Variants in RALGPS1 observed in about 807,000 individuals in gnomAD.
RALGPS1 encodes ras-specific guanine nucleotide-releasing factor RalGPS1.
Under a neutral mutation model 78.8 loss-of-function variants are expected in RALGPS1, and 19 were observed. That is an observed-to-expected ratio of 0.24 (90% CI 0.17 to 0.35). RALGPS1 has a LOEUF of 0.35. Among genes scored for constraint, RALGPS1 ranks in the 10% least tolerant of loss-of-function variants. RALGPS1 has a pLI of 1.00. For missense variants in RALGPS1, 454 were observed against 688.3 expected (o/e 0.66, Z 3.81); for synonymous variants, 228 against 256.3 (o/e 0.89, Z 1.06).
intron 4 of RALGPS1, among the ~76,000 whole-genome samples, chr9:126,982,919 CTTCTTCTTCTTTTTTT>C (rs1268455314): frequency 1.1e-3 from 87 of 76,416 alleles, no homozygotes; most frequent in African/African-American, 3.2e-3. Flanking sequence ...TCTTCTTCTT[CTTCTTCTTCTTTTTTT>C]TTTTTTTTTT....
chr9:126,953,309 G>T (rs1343376531), intron 1 of RALGPS1, among the ~76,000 whole-genome samples: 1 of 152,068 alleles, frequency 6.6e-6, no homozygotes, highest in Non-Finnish European at 1.5e-5. Context: ...TTTTTCTCCT[G>T]CAGTGTTTTG....
At chr9:127,181,262 G>A (rs554090629) in intron 11 of RALGPS1, among the ~76,000 whole-genome samples, 1 of 152,258 alleles carries the variant, frequency 6.6e-6, no homozygotes, top group South Asian at 2.1e-4. Context: ...CGTAATACCA[G>A]TCATAGCAGC....
intron 14 of RALGPS1, among the ~76,000 whole-genome samples, chr9:127,201,100 C>T (rs954826243): frequency 1.3e-5 from 2 of 152,184 alleles, no homozygotes; most frequent in African/African-American, 4.8e-5. Context: ...AATTCCTTGT[C>T]CCAGGGAGAT....
intron 7 of RALGPS1, among the ~76,000 whole-genome samples, chr9:127,065,461 A>G (rs2049605276): frequency 6.6e-6 from 1 of 152,138 alleles, no homozygotes; most frequent in African/African-American, 2.4e-5. Flanking sequence ...CCAGGCTGGT[A>G]TCAAACTCCT....
chr9:126,924,853 T>C (rs1166133233), intron 1 of RALGPS1, among the ~76,000 whole-genome samples: 7 of 152,162 alleles, frequency 4.6e-5, no homozygotes, highest in Admixed American at 4.6e-4. Flanking sequence ...AGGCCGGGCG[T>C]GGTGGCTGAC....
At chr9:127,166,460 G>A (rs978259579) in intron 9 of RALGPS1, among the ~76,000 whole-genome samples, 8 of 152,154 alleles carry the variant, frequency 5.3e-5, no homozygotes, top group Middle Eastern at 3.2e-3. Flanking sequence ...CCACAATCAC[G>A]CGTCTAGTGA....
At position 127,175,677 on chromosome 9, in the gene RALGPS1, CTTTTT is replaced by C. The variant is rs11354346; in HGVS notation, c.910+915_910+919del. 3.7e-5 allele frequency among the ~76,000 whole-genome samples: 4 copies of C among 109,002 alleles called. No individual in the cohort carries two copies. The South Asian group carries it at 8.7e-4, about 24-fold the overall frequency. 71.5% of individuals were successfully genotyped at this position (109,002 alleles called of 152,430 possible). A position where few individuals can be genotyped will look rare whatever the true frequency, so the allele number is the denominator to read the frequency against. ...AAGTGACTTAACCCCTTTGGGCCTC[CTTTTT>C]TTTTTTTTTTTTTTTTTTTATCCTA... On this transcript the variant is annotated intron_variant, in intron 11 of 18. Transcript: ENST00000259351.
chr9:126,968,362 A>T (rs957281594), intron 3 of RALGPS1, among the ~76,000 whole-genome samples: 1 of 152,160 alleles, frequency 6.6e-6, no homozygotes, highest in African/African-American at 2.4e-5. Flanking sequence ...CAATTTTCTG[A>T]TAAAGTAAGG....
At chr9:127,007,639 C>T (rs1402908016) in intron 4 of RALGPS1, among the ~76,000 whole-genome samples, 2 of 152,112 alleles carry the variant, frequency 1.3e-5, no homozygotes, top group Non-Finnish European at 2.9e-5. Context: ...GAGGGAGCAG[C>T]ATGTACCAAG....
intron 8 of RALGPS1, among the ~76,000 whole-genome samples, chr9:127,158,540 G>A (rs887772488): frequency 6.6e-6 from 1 of 151,868 alleles, no homozygotes; most frequent in Non-Finnish European, 1.5e-5. Context: ...TTCCTCAGTC[G>A]TACATACCAA....
At chr9:126,978,379 C>T (rs907388132) in intron 4 of RALGPS1, 2 of 151,358 alleles carry the variant, frequency 1.3e-5, no homozygotes, top group Non-Finnish European at 2.9e-5. Context: ...TGATTTTGGT[C>T]TTAAAAAAAT....
At chr9:127,136,749 C>T (rs1042649489) in intron 8 of RALGPS1, among the ~76,000 whole-genome samples, 4 of 152,082 alleles carry the variant, frequency 2.6e-5, no homozygotes, top group Non-Finnish European at 5.9e-5. Flanking sequence ...CTGGTGCATA[C>T]CTGGTTTTCT....
chr9:127,051,794 G>A (rs1564488485), intron 6 of RALGPS1, among the ~76,000 whole-genome samples: 1 of 152,268 alleles, frequency 6.6e-6, no homozygotes, highest in Non-Finnish European at 1.5e-5. Flanking sequence ...CCCTGCTCTC[G>A]GGAAACACAC....
intron 8 of RALGPS1, among the ~76,000 whole-genome samples, chr9:127,150,845 G>A (rs1473112432): frequency 1.3e-5 from 2 of 152,188 alleles, no homozygotes; most frequent in Non-Finnish European, 2.9e-5. Flanking sequence ...GGGCTTCACA[G>A]ACCACTGATG....
At chr9:127,034,207 C>G (rs2046666244) in intron 4 of RALGPS1, among the ~76,000 whole-genome samples, 1 of 152,112 alleles carries the variant, frequency 6.6e-6, no homozygotes, top group East Asian at 1.9e-4. Context: ...GGAAACATGG[C>G]CAGAGTTGTT....
chr9:127,217,388 G>C lies in RALGPS1; in HGVS notation c.1645-1352G>C, dbSNP rs972010679. 4.4e-5 allele frequency: 44 copies of C among 991,664 alleles called. 1 individual carries two copies. In the African/African-American group the frequency reaches 6.8e-4, roughly 15 times the overall value. The allele number at this position is 991,664 out of a possible 1,614,324, so 61.4% of individuals were successfully genotyped here. On this transcript the variant is annotated intron_variant, in intron 18 of 18. Coordinates refer to ENST00000259351, the MANE Select transcript of RALGPS1 (RefSeq NM_014636.3). ...GATTTAAGTGAATCACAGTACATCC[G>C]TGTGATGGAATGCCAGGAGGGTGTA...
chr9:127,126,499 C>T (rs879381153), intron 8 of RALGPS1, among the ~76,000 whole-genome samples: 3 of 152,180 alleles, frequency 2.0e-5, no homozygotes, highest in Non-Finnish European at 2.9e-5. Flanking sequence ...TCTAGAACCC[C>T]ATTTACACAC....
At chr9:126,921,728 C>T (rs925741773) in intron 1 of RALGPS1, among the ~76,000 whole-genome samples, 1 of 152,188 alleles carries the variant, frequency 6.6e-6, no homozygotes, top group Non-Finnish European at 1.5e-5. Context: ...ACCTCTGTTT[C>T]CTCATCGATA....
Position 127,029,517 on chromosome 9 carries a change from G to A in RALGPS1, c.217-4914G>A, listed in dbSNP as rs778125617. On this transcript the variant is annotated intron_variant, in intron 4 of 18. Transcript: ENST00000259351. ...GGAGGAGGAAGAAGAAAGCCATTGA[G>A]CACAGTGGTGATGTGCTGTTGGCTG... Among the ~76,000 whole-genome samples the A allele has an allele frequency of 3.9e-5, 6 of 152,362 alleles. No homozygotes were observed. In the East Asian group the frequency reaches 5.8e-4, roughly 15 times the overall value.
Sources: gnomAD v4.1 joint callset for allele counts (sites outside exome capture counted in the v4.1 genomes callset) on GRCh38, gnomAD v4.1.1 for gene constraint, MANE v1.5 for transcripts, NCBI Gene and HGNC (gene_info 2026-07-23, HGNC 2026-07-21) for gene names.